CADM2: variants seen among roughly 807,000 people sequenced by gnomAD.
CADM2 encodes the protein cell adhesion molecule 2, also known as immunoglobulin superfamily member 4D.
A neutral mutation model predicts 49.8 loss-of-function variants in CADM2; 12 were observed. That is an observed-to-expected ratio of 0.24 (90% CI 0.15 to 0.39). The LOEUF is 0.39. CADM2 is among the 10% of genes least tolerant of loss of function. The pLI is 1.00. For missense variants in CADM2, 378 were observed against 492.3 expected (o/e 0.77, Z 2.20); for synonymous variants, 214 against 175.4 (o/e 1.22, Z -1.74).
intron 3 of CADM2, among the ~76,000 whole-genome samples, chr3:85,815,143 C>A (rs2073135604): frequency 6.6e-6 from 1 of 152,130 alleles, no homozygotes; most frequent in Non-Finnish European, 1.5e-5. Flanking sequence ...CAGACGGATT[C>A]ACAGCCGAAT....
intron 1 of CADM2, among the ~76,000 whole-genome samples, chr3:85,525,368 T>G (rs1259570882): frequency 6.6e-6 from 1 of 152,172 alleles, no homozygotes; most frequent in Admixed American, 6.5e-5. Flanking sequence ...ATTCAGATCT[T>G]TAGTTTTAAT....
chr3:86,051,460 G>A (rs1309317603), intron 8 of CADM2, among the ~76,000 whole-genome samples: 3 of 151,962 alleles, frequency 2.0e-5, no homozygotes, highest in African/African-American at 4.8e-5. Context: ...TTCCAGCCTC[G>A]CCTATTACCA....
At chr3:85,978,116 A>G (rs944450123) in intron 8 of CADM2, among the ~76,000 whole-genome samples, 2 of 151,616 alleles carry the variant, frequency 1.3e-5, no homozygotes, top group Non-Finnish European at 3.0e-5. Context: ...TAATTTGGAA[A>G]CTGTTTCTAA....
intron 1 of CADM2, among the ~76,000 whole-genome samples, chr3:85,670,600 G>T (rs2065707179): frequency 1.3e-5 from 2 of 151,824 alleles, no homozygotes; most frequent in Admixed American, 6.6e-5. Flanking sequence ...CAACTTGCAG[G>T]AAAAAAGCAC....
intron 1 of CADM2, among the ~76,000 whole-genome samples, chr3:85,625,723 A>C (rs1035672820): frequency 1.3e-5 from 2 of 151,948 alleles, no homozygotes; most frequent in Non-Finnish European, 2.9e-5. Flanking sequence ...ATGAGTAATA[A>C]ATTTTTGTTC....
Position 85,084,943 on chromosome 3 carries a change from G to A in CADM2, c.61+125275G>A, listed in dbSNP as rs528989293. ...TAAGCAAGTACTTTTAGGTTATTAA[G>A]TTTAATTGATAGAAATTATATACAG... On this transcript the variant is annotated intron_variant, in intron 1 of 9. Transcript: ENST00000383699. Among the ~76,000 whole-genome samples the A allele has an allele frequency of 3.9e-4, 59 of 152,084 alleles. No individual in the cohort carries two copies. The East Asian group carries it at 9.9e-3, about 25-fold the overall frequency.
At chr3:85,457,917 A>G (rs999793448) in intron 1 of CADM2, among the ~76,000 whole-genome samples, 10 of 152,150 alleles carry the variant, frequency 6.6e-5, no homozygotes, top group African/African-American at 2.4e-4. Context: ...ATAATCTCCT[A>G]GTACTTTTCT....
intron 1 of CADM2, among the ~76,000 whole-genome samples, chr3:85,395,159 G>A (rs1044817196): frequency 6.6e-6 from 1 of 151,844 alleles, no homozygotes; most frequent in Admixed American, 6.6e-5. Context: ...TTAGCCAGGT[G>A]TATTGGTGCA....
At chr3:86,013,585 A>G in intron 8 of CADM2, 1 of 1,601,522 alleles carries the variant, frequency 6.2e-7, no homozygotes, top group Non-Finnish European at 8.5e-7. Flanking sequence ...ATTCGAGAAG[A>G]AACTCTCAGG....
intron 1 of CADM2, among the ~76,000 whole-genome samples, chr3:85,672,680 C>T (rs1022761635): frequency 7.2e-5 from 11 of 151,996 alleles, no homozygotes; most frequent in Non-Finnish European, 1.6e-4. Flanking sequence ...TTCAGTTTGC[C>T]ACCATTCATC....
chr3:85,646,930 G>A (rs1443466045), intron 1 of CADM2, among the ~76,000 whole-genome samples: 1 of 151,746 alleles, frequency 6.6e-6, no homozygotes, highest in African/African-American at 2.4e-5. Flanking sequence ...AACATCCCAT[G>A]TCTTCTAAAG....
intron 2 of CADM2, among the ~76,000 whole-genome samples, chr3:85,752,312 C>T (rs1248046691): frequency 6.6e-6 from 1 of 152,080 alleles, no homozygotes; most frequent in African/African-American, 2.4e-5. Flanking sequence ...CTAACTTAAT[C>T]AGAAGCCTCC....
In CADM2 at chr3:85,935,715, A is replaced by C. The variant is rs973273372; in HGVS notation, c.701-52A>C. On this transcript the variant is annotated intron_variant, in intron 6 of 9. Transcript: ENST00000383699. The stretch of plus-strand genomic sequence containing the variant: ...ACAGCATGATGCACAGTTATTAAAT[A>C]TCTAGTTTTGTATGTGTTTAATTAC... 3.3e-6 allele frequency: 3 copies of C among 911,612 alleles called. No individual in the cohort carries two copies. The African/African-American group carries it at 5.0e-5, about 15-fold the overall frequency. The allele number at this position is 911,612 out of a possible 1,614,324, so 56.5% of individuals were successfully genotyped here. A position where few individuals can be genotyped will look rare whatever the true frequency, so the allele number is the denominator to read the frequency against.
chr3:85,373,952 G>A (rs1384410348), intron 1 of CADM2, among the ~76,000 whole-genome samples: 5 of 152,168 alleles, frequency 3.3e-5, no homozygotes, highest in Non-Finnish European at 4.4e-5. Flanking sequence ...TGGGATGGGA[G>A]GGGCTGCTGT....
intron 1 of CADM2, among the ~76,000 whole-genome samples, chr3:85,138,324 T>C (rs2039478605): frequency 6.6e-6 from 1 of 152,096 alleles, no homozygotes; most frequent in African/African-American, 2.4e-5. Flanking sequence ...GGAAATGAGA[T>C]TGTACCCTCA....
At chr3:85,834,739 G>GAA (rs61595691) in intron 3 of CADM2, among the ~76,000 whole-genome samples, 44 of 140,484 alleles carry the variant, frequency 3.1e-4, no homozygotes, top group South Asian at 4.5e-4. Context: ...TCTTCTTGGG[G>GAA]AAAAAAAAAA....
At chr3:85,731,504 TA>T (rs1390630459) in intron 2 of CADM2, among the ~76,000 whole-genome samples, 1 of 152,098 alleles carries the variant, frequency 6.6e-6, no homozygotes, top group African/African-American at 2.4e-5. Flanking sequence ...TTGTACCTAT[TA>T]TTATTATTAC....
At chr3:85,836,438 C>T (rs1254622506) in intron 3 of CADM2, among the ~76,000 whole-genome samples, 1 of 151,622 alleles carries the variant, frequency 6.6e-6, no homozygotes, top group African/African-American at 2.4e-5. Context: ...ACAACCTGAT[C>T]AAGGCCTAGA....
rs1318832450 is a variant in CADM2 at position 85,656,413 on chromosome 3, G to A, written c.62-70109G>A. Among the ~76,000 whole-genome samples, 2 of 151,950 alleles carry A rather than the reference G, an allele frequency of 1.3e-5. 1 individual carries two copies. Among genetic ancestry groups the A allele is most frequent in the Non-Finnish European group, 2.9e-5 (2 of 67,994 alleles). ...GGGCAGATCATGAGGTTAGGAGTTCGATACCAGCCTGGCCAACATGGTGAA... is the reference window on the plus strand; with the variant it reads ...GGGCAGATCATGAGGTTAGGAGTTCAATACCAGCCTGGCCAACATGGTGAA... On this transcript the variant is annotated intron_variant, in intron 1 of 9. Coordinates refer to ENST00000383699, the MANE Select transcript of CADM2 (RefSeq NM_001167675.2).
Sources: allele counts gnomAD v4.1 joint callset (sites outside exome capture counted in the v4.1 genomes callset), GRCh38; gene constraint gnomAD v4.1.1; transcripts MANE v1.5; gene names NCBI Gene and HGNC (gene_info 2026-07-23, HGNC 2026-07-21).